Variants in ATP1B1 observed in about 807,000 individuals in gnomAD.
The protein encoded by ATP1B1 is sodium/potassium-transporting ATPase subunit beta-1.
A neutral mutation model predicts 39.6 loss-of-function variants in ATP1B1; 3 were observed. The observed-to-expected ratio is 0.08, with a 90% CI of 0.03 to 0.20. The LOEUF is 0.20. Ranked by LOEUF, ATP1B1 falls within the 10% of genes least tolerant of loss-of-function variation. ATP1B1 has a pLI of 1.00. For synonymous variants in ATP1B1, 139 were observed against 135.0 expected, an observed-to-expected ratio of 1.03 and a Z score of -0.20; for missense variants, 216 against 371.1, an observed-to-expected ratio of 0.58 and a Z score of 3.43.
rs1413567071 is a variant in ATP1B1, at chr1:169,111,437, A to G, written c.165A>G (p.Gln55=). The change falls in exon 2 of 6, where the codon CAA becomes CAG. Residue 55 remains glutamine (Q), a synonymous_variant. Transcript: ENST00000367815. ...CTGGCATCTTCATCGGAACCATCCA[A>G]GTGATGCTGCTCACCATCAGTGAAT... is the stretch of plus-strand genomic sequence containing the variant. The part of the protein sequence containing the change: ...CLAGIFIGTI[Q]VMLLTISEFK... 1 of 1,614,098 alleles carries G rather than the reference A, an allele frequency of 6.2e-7. No individual in the cohort carries two copies. The highest frequency in any genetic ancestry group is 1.3e-5 in the African/African-American group (1 of 74,922).
At chr1:169,125,544 C>T (rs1171107820) in intron 3 of ATP1B1, among the ~76,000 whole-genome samples, 4 of 152,170 alleles carry the variant, frequency 2.6e-5, no homozygotes, top group South Asian at 2.1e-4. Context: ...GGCAGCTGAT[C>T]GTTTTGGATA....
At chr1:169,107,366 A>G (rs1384687380) in intron 1 of ATP1B1, among the ~76,000 whole-genome samples, 1 of 152,208 alleles carries the variant, frequency 6.6e-6, no homozygotes, top group African/African-American at 2.4e-5. Context: ...TGTGTGTTAC[A>G]GCATCTTTCT....
rs1233404775 is a variant in ATP1B1 at position 169,132,032 on chromosome 1, T to TG, written c.*477_*478insG. 2.5e-3 allele frequency: 556 copies of TG among 223,400 alleles called. No homozygotes were observed. The highest frequency in any genetic ancestry group is 4.8e-3 in the South Asian group (112 of 23,312). The allele number at this position is 223,400 out of a possible 1,614,324, so 13.8% of individuals were successfully genotyped here. ...ACTGGCATGGTAATTTTTTTTTTTT[T>TG]TTTTTTTTTGTTTTTTGGCTCTTTC... On this transcript the variant is annotated 3_prime_UTR_variant, in exon 6 of 6. Transcript: ENST00000367815.
At chr1:169,116,943 G>C (rs1657860447) in intron 2 of ATP1B1, among the ~76,000 whole-genome samples, 1 of 151,920 alleles carries the variant, frequency 6.6e-6, no homozygotes, top group Admixed American at 6.6e-5. Flanking sequence ...TAAAATTCCT[G>C]AGAAGTCATT....
intron 1 of ATP1B1, chr1:169,110,589 T>TTTGGG: frequency 1.1e-6 from 1 of 894,730 alleles, no homozygotes; most frequent in Non-Finnish European, 1.5e-6. Context: ...TTTTTTTTGC[T>TTTGGG]TTTGCAGCTA....
intron 2 of ATP1B1, among the ~76,000 whole-genome samples, chr1:169,123,251 G>A (rs1445675737): frequency 2.0e-5 from 3 of 152,124 alleles, no homozygotes; most frequent in African/African-American, 7.2e-5. Flanking sequence ...AGCCAAGGGT[G>A]TTTAAAGATC....
chr1:169,107,144 G>A (rs1333790880), intron 1 of ATP1B1, among the ~76,000 whole-genome samples: 1 of 152,228 alleles, frequency 6.6e-6, no homozygotes, highest in Admixed American at 6.5e-5. Flanking sequence ...GCTGGAACAC[G>A]ACAGGCGGAA....
intron 2 of ATP1B1, among the ~76,000 whole-genome samples, chr1:169,115,045 C>T (rs949281047): frequency 2.0e-5 from 3 of 151,778 alleles, no homozygotes; most frequent in East Asian, 2.0e-4. Flanking sequence ...ATTAGCCTGT[C>T]GTAGTGGCGG....
At position 169,111,505 on chromosome 1, in the gene ATP1B1, T is replaced by A; in HGVS notation, c.226+7T>A. 2.5e-6 allele frequency: 4 copies of A among 1,612,694 alleles called. No individual in the cohort carries two copies. Among genetic ancestry groups the A allele is most frequent in the Non-Finnish European group, 3.4e-6 (4 of 1,179,288 alleles). On this transcript the variant is annotated splice_region_variant and intron_variant, in intron 2 of 5. Transcript: ENST00000367815. Reference sequence around the variant, plus strand: ...GACCGAGTGGCCCCGCCAGGTAAAATCCACATGAATAGCTTCATTTCCTTC... The same window carrying A: ...GACCGAGTGGCCCCGCCAGGTAAAAACCACATGAATAGCTTCATTTCCTTC...
chr1:169,128,626 T>C (rs1557952883), intron 4 of ATP1B1, among the ~76,000 whole-genome samples: 1 of 152,198 alleles, frequency 6.6e-6, no homozygotes, highest in Non-Finnish European at 1.5e-5. Flanking sequence ...TGCCAAAATG[T>C]ATTTGATATT....
chr1:169,110,675 G>A, intron 1 of ATP1B1: 1 of 1,270,700 alleles, frequency 7.9e-7, no homozygotes, highest in Non-Finnish European at 1.0e-6. Context: ...CATTATTCTT[G>A]TTCCAGTTCC....
intron 2 of ATP1B1, among the ~76,000 whole-genome samples, chr1:169,112,390 C>T (rs1219076398): frequency 6.6e-6 from 1 of 152,236 alleles, no homozygotes; most frequent in Admixed American, 6.5e-5. Flanking sequence ...AAATCATTGT[C>T]TGGAGGACCT....
chr1:169,112,778 G>A (rs963903884), intron 2 of ATP1B1, among the ~76,000 whole-genome samples: 1 of 152,148 alleles, frequency 6.6e-6, no homozygotes, highest in African/African-American at 2.4e-5. Context: ...AAAAAATCAC[G>A]TAAGTAAATA....
Position 169,131,658 on chromosome 1 carries a change from A to G in ATP1B1, c.*103A>G. 1 of 1,315,874 alleles carries G rather than the reference A, an allele frequency of 7.6e-7. No homozygotes were observed. Among genetic ancestry groups the G allele is most frequent in the Non-Finnish European group, 1.0e-6 (1 of 964,642 alleles). The allele number at this position is 1,315,874 out of a possible 1,614,324, so 81.5% of individuals were successfully genotyped here. A position where few individuals can be genotyped will look rare whatever the true frequency, so the allele number is the denominator to read the frequency against. On this transcript the variant is annotated 3_prime_UTR_variant, in exon 6 of 6. Coordinates refer to ENST00000367815, the MANE Select transcript of ATP1B1 (RefSeq NM_001677.4). This position sits in a 1 kb window ranked among gnomAD's most constrained non-coding sequence, Gnocchi z 4.4. ...ACAAACTGTCATACGTATGGGACCT[A>G]CACTTAATCTATATGCTTTACACTA...
At chr1:169,109,602 C>G (rs547639956) in intron 1 of ATP1B1, among the ~76,000 whole-genome samples, 1 of 152,180 alleles carries the variant, frequency 6.6e-6, no homozygotes, top group Admixed American at 6.5e-5. Context: ...GGCGTACTTG[C>G]AAAATGACTT....
intron 2 of ATP1B1, among the ~76,000 whole-genome samples, chr1:169,121,150 T>G (rs1557950136): frequency 6.6e-6 from 1 of 152,116 alleles, no homozygotes; most frequent in African/African-American, 2.4e-5. Context: ...TTTCACCATG[T>G]TGGCCAGGCT....
chr1:169,128,682 A>T (rs1045769128), intron 4 of ATP1B1, among the ~76,000 whole-genome samples: 5 of 152,258 alleles, frequency 3.3e-5, no homozygotes, highest in African/African-American at 1.2e-4. Context: ...GCTATTTAGC[A>T]GCAAAAGAAA....
chr1:169,128,389 A>AT (rs1373237531), intron 4 of ATP1B1, among the ~76,000 whole-genome samples: 1 of 152,184 alleles, frequency 6.6e-6, no homozygotes, highest in East Asian at 1.9e-4. Flanking sequence ...CATGAATAAT[A>AT]TTTTCAAAAG....
intron 2 of ATP1B1, among the ~76,000 whole-genome samples, chr1:169,122,391 ACT>A (rs1404838441): frequency 2.6e-5 from 4 of 152,152 alleles, no homozygotes; most frequent in Admixed American, 6.5e-5. Flanking sequence ...TCACTGGGTA[ACT>A]CTGTTTACCA....
Sources: allele counts gnomAD v4.1 joint callset (sites outside exome capture counted in the v4.1 genomes callset), GRCh38; gene constraint gnomAD v4.1.1; non-coding constraint Gnocchi (gnomAD v3.1); transcripts MANE v1.5; gene names NCBI Gene and HGNC (gene_info 2026-07-23, HGNC 2026-07-21).